CHM: variants seen among roughly 807,000 people sequenced by gnomAD.
CHM encodes the protein CHM Rab escort protein, also known as rab proteins geranylgeranyltransferase component A 1.
Under a neutral mutation model 49.0 loss-of-function variants are expected in CHM, and 10 were observed. That is an observed-to-expected ratio of 0.20 (90% CI 0.13 to 0.35). The LOEUF (loss-of-function observed/expected upper bound fraction) is 0.35, where lower values mean the gene tolerates loss of function less well. CHM is among the 10% of genes least tolerant of loss of function. The pLI, the probability that CHM is intolerant of heterozygous loss-of-function variation, is 1.00. For missense variants in CHM, 455 were observed against 478.4 expected (o/e 0.95, Z 0.46); for synonymous variants, 184 against 167.5 (o/e 1.10, Z -0.76).
chrX:85,905,804 A>T (rs902574519), intron 9 of CHM, among the ~76,000 whole-genome samples: 1 of 111,294 alleles, frequency 9.0e-6, no homozygotes, highest in African/African-American at 3.3e-5. Flanking sequence ...AAGAGAGATG[A>T]GCCTAGACAG....
chrX:86,009,652 A>G lies in CHM; in HGVS notation c.116+17839T>C, dbSNP rs187508149. On this transcript the variant is annotated intron_variant, in intron 2 of 14. Coordinates refer to ENST00000357749, the MANE Select transcript of CHM (RefSeq NM_000390.4). ...TGTATTCTATTTAATTGAAAGTATC[A>G]ACACAGATTTATGGTTTTTAGTGTT... Among the ~76,000 whole-genome samples the G allele has an allele frequency of 6.6e-3, 743 of 112,642 alleles. 4 individuals carry two copies. Among genetic ancestry groups the G allele is most frequent in the Non-Finnish European group, 6.7e-3 (359 of 53,333 alleles).
intron 1 of CHM, among the ~76,000 whole-genome samples, chrX:86,041,054 G>A (rs943445253): frequency 8.9e-6 from 1 of 112,044 alleles, no homozygotes; most frequent in Non-Finnish European, 1.9e-5. Flanking sequence ...TTGTTTCTGT[G>A]CATTGGGATT....
chrX:85,964,010 C>T lies in CHM; in HGVS notation c.357G>A (p.Gln119=). 1 of 1,208,589 alleles carries T rather than the reference C, an allele frequency of 8.3e-7. No individual in the cohort carries two copies. Among genetic ancestry groups the T allele is most frequent in the South Asian group, 1.8e-5 (1 of 56,222 alleles). Residue 119 remains glutamine (Q), a synonymous_variant, in exon 5 of 15, where the codon CAG becomes CAA. Coordinates refer to ENST00000357749, the MANE Select transcript of CHM (RefSeq NM_000390.4). ...CAGATGTCACAAGAGCATGATTTTTCTGCAGTGCACCAGCTTCTTCGACAT... is the reference window on the plus strand; with the variant it reads ...CAGATGTCACAAGAGCATGATTTTTTTGCAGTGCACCAGCTTCTTCGACAT... ...HEDVEEAGAL[Q]KNHALVTSAN...
rs753116128 is a variant in CHM, at chrX:86,018,575, CAACT to C, written c.116+8912_116+8915del. On this transcript the variant is annotated intron_variant, in intron 2 of 14. Transcript: ENST00000357749. ...AAACTTACATTCACACACACCAAAA[CAACT>C]ATATAAATGTTCCCATAGCAATTTT... is the stretch of plus-strand genomic sequence containing the variant. 6.2e-5 allele frequency among the ~76,000 whole-genome samples: 7 copies of C among 112,407 alleles called. No individual in the cohort carries two copies. The South Asian group carries it at 2.2e-3, about 35-fold the overall frequency.
At chrX:85,965,997 T>A (rs1197333550) in intron 4 of CHM, among the ~76,000 whole-genome samples, 2 of 111,386 alleles carry the variant, frequency 1.8e-5, no homozygotes, top group African/African-American at 6.5e-5. Context: ...TGTTGTGAGA[T>A]AAGGAAGCTA....
chrX:86,023,752 A>C (rs1015468248), intron 2 of CHM, among the ~76,000 whole-genome samples: 2 of 111,514 alleles, frequency 1.8e-5, no homozygotes, highest in African/African-American at 6.5e-5. Context: ...CATCTCTAAC[A>C]ACGGCTATTT....
rs1389384765 is a variant in CHM at position 85,975,456 on chromosome X, A to G, written c.314+3311T>C. 7.1e-5 allele frequency among the ~76,000 whole-genome samples: 8 copies of G among 112,248 alleles called. 1 individual carries two copies. In the East Asian group the frequency reaches 2.2e-3, roughly 31 times the overall value. On this transcript the variant is annotated intron_variant, in intron 4 of 14. Transcript: ENST00000357749. The stretch of plus-strand genomic sequence containing the variant: ...ACTGTGGTAAACCCATTACTGTGGA[A>G]TACTATTCAGTGATGAAAAATGAAC...
At chrX:85,958,072 C>A in intron 6 of CHM, 97 bp from the exon 7 acceptor site, 1 of 1,025,929 alleles carries the variant, frequency 9.7e-7, no homozygotes, top group Non-Finnish European at 1.3e-6. Context: ...ACAGGATTAT[C>A]GTTTCCACTC....
At chrX:85,994,555 T>G (rs142302618) in intron 2 of CHM, among the ~76,000 whole-genome samples, 2 of 111,978 alleles carry the variant, frequency 1.8e-5, no homozygotes, top group African/African-American at 6.5e-5. Flanking sequence ...TTCCTTAAAT[T>G]TAACCCTTCC....
intron 4 of CHM, chrX:85,969,194 G>A (rs1442212017): frequency 1.4e-6 from 1 of 740,340 alleles, no homozygotes; most frequent in Non-Finnish European, 1.6e-6. Flanking sequence ...TATTATACCA[G>A]AAAAAGGGAA....
At chrX:85,912,430 C>G (rs903559086) in intron 8 of CHM, among the ~76,000 whole-genome samples, 7 of 111,219 alleles carry the variant, frequency 6.3e-5, no homozygotes, top group Non-Finnish European at 9.4e-5. Flanking sequence ...GGATTAAACT[C>G]CCCAAAATGA....
chrX:86,001,867 AAAC>A (rs1417455378), intron 2 of CHM, among the ~76,000 whole-genome samples: 3 of 111,284 alleles, frequency 2.7e-5, no homozygotes, highest in Non-Finnish European at 3.8e-5. Context: ...TTGTTTAAAA[AAAC>A]AACAACAACA....
chrX:86,008,623 G>A (rs1242766090), intron 2 of CHM, among the ~76,000 whole-genome samples: 4 of 111,450 alleles, frequency 3.6e-5, no homozygotes, highest in Admixed American at 9.6e-5. Flanking sequence ...CTATTGTACA[G>A]TTAAATATAC....
intron 1 of CHM, among the ~76,000 whole-genome samples, chrX:86,035,870 T>A (rs956172125): frequency 2.0e-5 from 2 of 99,613 alleles, no homozygotes; most frequent in South Asian, 1.1e-3. Flanking sequence ...CTCGGCTCAC[T>A]GCAACCTCCG....
intron 1 of CHM, among the ~76,000 whole-genome samples, chrX:86,036,555 GGAAA>G (rs1178232221): frequency 9.0e-6 from 1 of 110,851 alleles, no homozygotes; most frequent in Non-Finnish European, 1.9e-5. Flanking sequence ...TCCTGGATCT[GGAAA>G]GAAAGGAAGC....
intron 2 of CHM, among the ~76,000 whole-genome samples, chrX:86,012,483 T>C (rs1345134033): frequency 9.0e-6 from 1 of 111,519 alleles, no homozygotes; most frequent in African/African-American, 3.3e-5. Context: ...CTTTCAACTT[T>C]TATAAGTAAC....
In CHM at chrX:85,861,885, C is replaced by T. The variant is rs1053722011; in HGVS notation, c.*2745G>A. 37 of 111,474 alleles carry T rather than the reference C, an allele frequency of 3.3e-4. No individual in the cohort carries two copies. The highest frequency in any genetic ancestry group is 7.7e-4 in the Admixed American group (8 of 10,449). The allele number at this position is 111,474 out of a possible 1,213,427, so 9.2% of individuals were successfully genotyped here. On this transcript the variant is annotated 3_prime_UTR_variant, in exon 15 of 15. Transcript: ENST00000357749. ...GCTACTGAAAATTTTCCACTATGTA[C>T]AATATATTTTATTAATATGATTTCA...
chrX:85,963,805 C>T lies in CHM; in HGVS notation c.562G>A (p.Val188Met). 2.5e-6 allele frequency: 3 copies of T among 1,211,863 alleles called. No homozygotes were observed. Among genetic ancestry groups the T allele is most frequent in the Non-Finnish European group, 3.3e-6 (3 of 895,560 alleles). ...KENHCDDKTC[V>M]PSTSAEDMSE... ...ATGTCTTCTGCTGAAGTTGATGGCA[C>T]ACAAGTTTTATCATCACAATGGTTT... The change falls in exon 5 of 15, where the codon GTG (valine) becomes ATG (methionine). Residue 188 changes from valine (V) to methionine (M), a missense_variant. Physicochemically the swap from Val to Met is conservative, Grantham distance 21. Coordinates refer to ENST00000357749, the MANE Select transcript of CHM (RefSeq NM_000390.4).
At chrX:85,996,831 T>A (rs1932459782) in intron 2 of CHM, among the ~76,000 whole-genome samples, 1 of 111,874 alleles carries the variant, frequency 8.9e-6, no homozygotes, top group South Asian at 3.8e-4. Flanking sequence ...GATGAAGGTA[T>A]GAGTGGCTAT....
Sources: allele counts gnomAD v4.1 joint callset (sites outside exome capture counted in the v4.1 genomes callset), GRCh38; gene constraint gnomAD v4.1.1; transcripts MANE v1.5; gene names NCBI Gene and HGNC (gene_info 2026-07-23, HGNC 2026-07-21).